The following ABHD12 variants were observed in gnomAD, a reference collection of about 807,000 sequenced individuals.
ABHD12 encodes the protein lysophosphatidylserine lipase ABHD12.
ABHD12 carries 43 observed loss-of-function variants against 58.3 expected under a neutral mutation model. The ratio of observed to expected loss-of-function variants is 0.74; its 90% CI spans 0.58 to 0.95. The LOEUF is 0.95. ABHD12 is among the 40% of genes least tolerant of loss of function. ABHD12 has a pLI of 0.00. For missense variants in ABHD12, 539 were observed against 537.2 expected (o/e 1.00, Z -0.03); for synonymous variants, 219 against 211.2 (o/e 1.04, Z -0.32).
chr20:25,350,328 T>C (rs989721209), intron 1 of ABHD12, among the ~76,000 whole-genome samples: 1 of 152,248 alleles, frequency 6.6e-6, no homozygotes, highest in Non-Finnish European at 1.5e-5. Flanking sequence ...GATTTGGCTG[T>C]GTCCCCACCT....
chr20:25,363,676 G>A (rs1484092068), intron 1 of ABHD12, among the ~76,000 whole-genome samples: 2 of 151,952 alleles, frequency 1.3e-5, no homozygotes, highest in Non-Finnish European at 2.9e-5. Context: ...AGACCAGCCT[G>A]ACCAACATGG....
chr20:25,374,781 T>G (rs1309416437), intron 1 of ABHD12, among the ~76,000 whole-genome samples: 1 of 152,198 alleles, frequency 6.6e-6, no homozygotes, highest in Admixed American at 6.5e-5. Flanking sequence ...ATTACAGGTG[T>G]GAGCCACCAC....
Position 25,360,227 on chromosome 20 carries a change from C to CTTTTTTTTTTTTTTTTTT in ABHD12, c.192-20894_192-20877dup, listed in dbSNP as rs576215687. ...TTAAATTGCCACCTTGAACACGTTA[C>CTTTTTTTTTTTTTTTTTT]TTTTTTTTTTTTTTTTTTTTTTTTT... is the stretch of plus-strand genomic sequence containing the variant. On this transcript the variant is annotated intron_variant, in intron 1 of 12. Coordinates refer to ENST00000339157, the MANE Select transcript of ABHD12 (RefSeq NM_001042472.3). Among the ~76,000 whole-genome samples the CTTTTTTTTTTTTTTTTTT allele has an allele frequency of 1.3e-3, 47 of 37,408 alleles. 17 individuals are homozygous for CTTTTTTTTTTTTTTTTTT. The highest frequency in any genetic ancestry group is 1.9e-3 in the Non-Finnish European group (39 of 21,060). The allele number at this position is 37,408 out of a possible 152,430, so 24.5% of individuals were successfully genotyped here.
chr20:25,296,498 G>GC (rs759183743), downstream of ABHD12: 78 of 1,613,362 alleles, frequency 4.8e-5, 1 homozygote, highest in South Asian at 6.5e-4. Context: ...TGCAGATCCC[G>GC]CCCCCCAACA....
At chr20:25,339,416 T>TAAC in intron 1 of ABHD12, 65 bp from the exon 2 acceptor site, 1 of 1,609,814 alleles carries the variant, frequency 6.2e-7, no homozygotes, top group Non-Finnish European at 8.5e-7. Context: ...AGTTTGTTAA[T>TAAC]AGTGTTATCA....
At chr20:25,298,335 G>T (rs2088583429), downstream of ABHD12, among the ~76,000 whole-genome samples, 1 of 152,052 alleles carries the variant, frequency 6.6e-6, no homozygotes, top group Admixed American at 6.5e-5. Context: ...GCACGGTCTT[G>T]GCTCGCTGCA....
intron 1 of ABHD12, chr20:25,368,703 G>T: frequency 2.2e-6 from 3 of 1,335,392 alleles, no homozygotes; most frequent in Non-Finnish European, 3.2e-6. Flanking sequence ...CAAACAGGTT[G>T]AAGGAGACGC....
chr20:25,304,538 G>A (rs915416143), intron 10 of ABHD12, among the ~76,000 whole-genome samples: 1 of 152,174 alleles, frequency 6.6e-6, no homozygotes, highest in Non-Finnish European at 1.5e-5. Flanking sequence ...GCAGCTTCAG[G>A]GGCACGGTAC....
rs750619719 is a variant in ABHD12 at position 25,303,591 on chromosome 20, C to T, written c.988G>A (p.Ala330Thr). 4.8e-5 allele frequency: 77 copies of T among 1,613,682 alleles called. No individual in the cohort carries two copies. Among genetic ancestry groups the T allele is most frequent in the Admixed American group, 8.3e-5 (5 of 59,996 alleles). ...AAGGGCACCACCGGGTCGTCCTCAG[C>T]GTGCAGGATGAGCAGGGGACAGGAG... ...HISCPLLILHAEDDPVVPFQL... is the reference protein window; with the variant it reads ...HISCPLLILHTEDDPVVPFQL... Residue 330 changes from alanine (A) to threonine (T), a missense_variant, in exon 11 of 13, where the codon GCT becomes ACT. Physicochemically the swap from Ala to Thr is moderately conservative, Grantham distance 58. Transcript: ENST00000339157.
At chr20:25,351,011 CCTTA>C (rs1386919067) in intron 1 of ABHD12, among the ~76,000 whole-genome samples, 119 of 140,196 alleles carry the variant, frequency 8.5e-4, no homozygotes, top group African/African-American at 3.1e-3. Context: ...ACACACACAC[CCTTA>C]TTAAGCTGGT....
chr20:25,382,081 G>A (rs1023817245), intron 1 of ABHD12, among the ~76,000 whole-genome samples: 4 of 152,080 alleles, frequency 2.6e-5, no homozygotes, highest in Non-Finnish European at 5.9e-5. Flanking sequence ...ATCCTACAGG[G>A]AAGACACTCT....
rs1033488452 is a variant in ABHD12, at chr20:25,368,210, G to A, written c.191+22303C>T. ...GGATACTGAGAGCAAATGGGGTGGAGGGGTGCTCTCCTGAGCTACAGAAGG... is the reference window on the plus strand; with the variant it reads ...GGATACTGAGAGCAAATGGGGTGGAAGGGTGCTCTCCTGAGCTACAGAAGG... On this transcript the variant is annotated intron_variant, in intron 1 of 12. Coordinates refer to ENST00000339157, the MANE Select transcript of ABHD12 (RefSeq NM_001042472.3). The A allele has an allele frequency of 3.0e-5, 38 of 1,260,696 alleles. No individual in the cohort carries two copies. In the Admixed American group the frequency reaches 3.7e-4, roughly 12 times the overall value. The allele number at this position is 1,260,696 out of a possible 1,614,324, so 78.1% of individuals were successfully genotyped here. A position where few individuals can be genotyped will look rare whatever the true frequency, so the allele number is the denominator to read the frequency against.
chr20:25,369,949 A>AAAG (rs2089878626), intron 1 of ABHD12, among the ~76,000 whole-genome samples: 1 of 145,198 alleles, frequency 6.9e-6, no homozygotes, highest in Non-Finnish European at 1.5e-5. Flanking sequence ...AAAAAAAAAA[A>AAAG]GCCCTTTGTA....
At chr20:25,349,301 A>G (rs2089566883) in intron 1 of ABHD12, among the ~76,000 whole-genome samples, 1 of 152,230 alleles carries the variant, frequency 6.6e-6, no homozygotes, top group African/African-American at 2.4e-5. Flanking sequence ...AATATAAAAT[A>G]GTCCAGCTGC....
chr20:25,299,378 C>G (rs1040938616), downstream of ABHD12, among the ~76,000 whole-genome samples: 3 of 151,732 alleles, frequency 2.0e-5, no homozygotes, highest in Admixed American at 2.0e-4. Context: ...CCAGCCTGGG[C>G]AACAGAGTGA....
At chr20:25,354,781 T>A (rs1013485497) in intron 1 of ABHD12, among the ~76,000 whole-genome samples, 2 of 152,026 alleles carry the variant, frequency 1.3e-5, no homozygotes, top group African/African-American at 4.8e-5. Context: ...AAAAAAAAAA[T>A]TAACTTGTCT....
intron 1 of ABHD12, among the ~76,000 whole-genome samples, chr20:25,350,837 C>A (rs2089587826): frequency 6.6e-6 from 1 of 152,072 alleles, no homozygotes; most frequent in Non-Finnish European, 1.5e-5. Context: ...TGACAGTCAG[C>A]TGCCACAAAC....
At chr20:25,326,190 TG>T (rs2089174716) in intron 2 of ABHD12, among the ~76,000 whole-genome samples, 1 of 52,542 alleles carries the variant, frequency 1.9e-5, no homozygotes. Flanking sequence ...AGGGAGGGAG[TG>T]GGGGGAGGGA....
chr20:25,343,908 A>T (rs528751150), intron 1 of ABHD12, among the ~76,000 whole-genome samples: 3 of 152,280 alleles, frequency 2.0e-5, no homozygotes, highest in African/African-American at 4.8e-5. Context: ...ATGTATAAAA[A>T]GAATTATACA....
Sources: allele counts gnomAD v4.1 joint callset (sites outside exome capture counted in the v4.1 genomes callset), GRCh38; gene constraint gnomAD v4.1.1; transcripts MANE v1.5; gene names NCBI Gene and HGNC (gene_info 2026-07-23, HGNC 2026-07-21).